OXCT1: variants seen among roughly 807,000 people sequenced by gnomAD.
OXCT1 encodes succinyl-CoA:3-ketoacid coenzyme A transferase 1, mitochondrial.
A neutral mutation model predicts 69.6 loss-of-function variants in OXCT1; 27 were observed. The ratio of observed to expected loss-of-function variants is 0.39; its 90% CI spans 0.29 to 0.54. OXCT1 has a LOEUF of 0.54. Among genes scored for constraint, OXCT1 ranks in the 20% least tolerant of loss-of-function variants. The pLI is 0.72. For missense variants in OXCT1, 437 were observed against 650.2 expected, an observed-to-expected ratio of 0.67 and a Z score of 3.57; for synonymous variants, 202 against 217.8, an observed-to-expected ratio of 0.93 and a Z score of 0.64.
chr5:41,861,372 T>C lies in OXCT1; in HGVS notation c.220A>G (p.Ile74Val). 3 of 1,612,486 alleles carry C rather than the reference T, an allele frequency of 1.9e-6. No homozygotes were observed. The highest frequency in any genetic ancestry group is 2.5e-6 in the Non-Finnish European group (3 of 1,178,728). Residue 74 changes from isoleucine to valine, a missense_variant, in exon 3 of 17, where the codon ATA becomes GTA. Around this residue, in one of 4 missense-constraint regions of OXCT1, gnomAD observed 252 missense variants for 397.4 expected, o/e 0.63. Transcript: ENST00000196371. ...ACTCCAGTTTTCAGTAAAGCATCTA[T>C]AAGATTCTCTGGAATTCCACATAGC... The part of the protein sequence containing the change: ...FGLCGIPENL[I>V]DALLKTGVKG...
chr5:41,737,965 G>A (rs778528487), intron 16 of OXCT1, among the ~76,000 whole-genome samples: 10 of 152,108 alleles, frequency 6.6e-5, no homozygotes, highest in Non-Finnish European at 1.0e-4. Context: ...TGAGGCAGGA[G>A]AATGGTGTGA....
At chr5:41,765,114 A>C (rs1007785427) in intron 13 of OXCT1, among the ~76,000 whole-genome samples, 22 of 152,300 alleles carry the variant, frequency 1.4e-4, no homozygotes, top group African/African-American at 5.3e-4. Context: ...ATACTCCCTG[A>C]CATAAGCGGG....
chr5:41,849,979 C>T (rs1329869736), intron 5 of OXCT1, 51 bp downstream of exon 5: 5 of 1,595,508 alleles, frequency 3.1e-6, no homozygotes, highest in Non-Finnish European at 4.3e-6. Flanking sequence ...CACCCAAAAT[C>T]CCACGTGGAA....
chr5:41,736,870 C>T (rs1344064889), intron 16 of OXCT1, among the ~76,000 whole-genome samples: 2 of 152,178 alleles, frequency 1.3e-5, no homozygotes, highest in Non-Finnish European at 2.9e-5. Context: ...TGTATAGTCA[C>T]ATATGGAGTA....
chr5:41,847,630 A>G (rs1406283082), intron 5 of OXCT1, among the ~76,000 whole-genome samples: 4 of 151,754 alleles, frequency 2.6e-5, no homozygotes, highest in Non-Finnish European at 5.9e-5. Flanking sequence ...TTCAATATAC[A>G]CAAATCAATA....
At chr5:41,847,656 A>C (rs1748986296) in intron 5 of OXCT1, among the ~76,000 whole-genome samples, 1 of 152,184 alleles carries the variant, frequency 6.6e-6, no homozygotes, top group Admixed American at 6.5e-5. Context: ...AATCCAGCAT[A>C]TAAACAGAAC....
intron 1 of OXCT1, among the ~76,000 whole-genome samples, chr5:41,868,715 T>A (rs1375737850): frequency 1.4e-5 from 2 of 147,532 alleles, no homozygotes; most frequent in Non-Finnish European, 3.0e-5. Flanking sequence ...AGAGCGAGAC[T>A]CCGTCTCAAA....
chr5:41,841,779 T>G (rs1449812638), intron 6 of OXCT1, among the ~76,000 whole-genome samples: 3 of 152,198 alleles, frequency 2.0e-5, no homozygotes, highest in Non-Finnish European at 4.4e-5. Flanking sequence ...ATTACTCCTG[T>G]TATTGCCAAA....
At position 41,767,720 on chromosome 5, in the gene OXCT1, G is replaced by GTATA. The variant is rs751695010; in HGVS notation, c.1249-5521_1249-5520insTATA. Among the ~76,000 whole-genome samples, 130 of 78,322 alleles carry GTATA rather than the reference G, an allele frequency of 1.7e-3. 1 individual carries two copies. Among genetic ancestry groups the GTATA allele is most frequent in the African/African-American group, 7.4e-3 (124 of 16,688 alleles). 51.4% of individuals were successfully genotyped at this position (78,322 alleles called of 152,430 possible). ...TATCTAGTATCTAATATATATGTGT[G>GTATA]TGTATATATATATATATATATATAT... On this transcript the variant is annotated intron_variant, in intron 13 of 16. Coordinates refer to ENST00000196371, the MANE Select transcript of OXCT1 (RefSeq NM_000436.4).
chr5:41,815,804 A>C (rs1474647167), intron 7 of OXCT1, among the ~76,000 whole-genome samples: 4 of 152,210 alleles, frequency 2.6e-5, no homozygotes, highest in Non-Finnish European at 5.9e-5. Flanking sequence ...TTCAGTGAAG[A>C]GAGTCATAGA....
At chr5:41,816,354 T>A (rs1747244334) in intron 7 of OXCT1, among the ~76,000 whole-genome samples, 1 of 152,208 alleles carries the variant, frequency 6.6e-6, no homozygotes, top group Non-Finnish European at 1.5e-5. Context: ...CAAAACTAGA[T>A]CTTTAAGTCC....
chr5:41,737,449 A>G (rs1327362511), intron 16 of OXCT1, among the ~76,000 whole-genome samples: 2 of 152,206 alleles, frequency 1.3e-5, no homozygotes, highest in Non-Finnish European at 2.9e-5. Context: ...GCTGCAAAAA[A>G]AAACTGAACA....
rs1747537999 is a variant in OXCT1, at chr5:41,821,336, G to T, written c.733-13898C>A. ...TCTTAGATGTTTAGGAAAAATATGAGAAATGAAATATAAAATTCAACAATG... is the reference window on the plus strand; with the variant it reads ...TCTTAGATGTTTAGGAAAAATATGATAAATGAAATATAAAATTCAACAATG... On this transcript the variant is annotated intron_variant, in intron 7 of 16. Transcript: ENST00000196371. Among the ~76,000 whole-genome samples the T allele has an allele frequency of 5.9e-5, 9 of 152,260 alleles. 2 individuals carry two copies. The South Asian group carries it at 1.9e-3, about 32-fold the overall frequency.
At chr5:41,814,310 C>T (rs79380119) in intron 7 of OXCT1, among the ~76,000 whole-genome samples, 2,090 of 152,204 alleles carry the variant, frequency 0.014, 68 homozygotes, top group African/African-American at 0.048. Context: ...CATAAAATAC[C>T]TGGCCTAATA....
In OXCT1 at chr5:41,870,309, G is replaced by T; in HGVS notation, c.50C>A (p.Ala17Asp). ...GTACCAGGTTGCCCCAGATCCGCGG[G>T]CAGAGGCGCAGAGCCGAAGCCCGGA... is the stretch of plus-strand genomic sequence containing the variant. ...LSSGLRLCAS[A>D]RGSGATWYKG... The change falls in exon 1 of 17, where the codon GCC (alanine) becomes GAC (aspartate). Residue 17 changes from alanine to aspartate, a missense_variant. Transcript: ENST00000196371. This position sits in a 1 kb window ranked among gnomAD's most constrained non-coding sequence, Gnocchi z 4.2. The T allele has an allele frequency of 6.2e-7, 1 of 1,613,992 alleles. No homozygotes were observed. The highest frequency in any genetic ancestry group is 8.5e-7 in the Non-Finnish European group (1 of 1,179,874).
At position 41,785,680 on chromosome 5, in the gene OXCT1, G is replaced by A. The variant is rs534104430; in HGVS notation, c.1248+8323C>T. ...AGAGCTAGGGGATACCAGCATGTAG[G>A]ATAGATGCTCAGAAGTAGAATTTAC... On this transcript the variant is annotated intron_variant, in intron 13 of 16. Coordinates refer to ENST00000196371, the MANE Select transcript of OXCT1 (RefSeq NM_000436.4). Among the ~76,000 whole-genome samples the A allele has an allele frequency of 1.7e-3, 263 of 152,302 alleles. 1 individual carries two copies. The highest frequency in any genetic ancestry group is 3.4e-3 in the Middle Eastern group (1 of 294).
chr5:41,868,677 C>T (rs941846737), intron 1 of OXCT1, among the ~76,000 whole-genome samples: 2 of 151,310 alleles, frequency 1.3e-5, no homozygotes, highest in African/African-American at 2.4e-5. Flanking sequence ...GAGCCGAGAT[C>T]CCGCCACTGC....
intron 13 of OXCT1, among the ~76,000 whole-genome samples, chr5:41,790,264 C>A (rs931049240): frequency 1.4e-4 from 21 of 152,156 alleles, no homozygotes; most frequent in African/African-American, 4.8e-4. Flanking sequence ...ATAATCAATG[C>A]CAGCTGTTCT....
intron 14 of OXCT1, among the ~76,000 whole-genome samples, chr5:41,761,642 A>C (rs1043552684): frequency 1.3e-5 from 2 of 152,104 alleles, no homozygotes; most frequent in Admixed American, 6.6e-5. Flanking sequence ...ATTTTGTAAC[A>C]TCTTCTGGAT....
Sources: allele counts gnomAD v4.1 joint callset (sites outside exome capture counted in the v4.1 genomes callset), GRCh38; gene constraint gnomAD v4.1.1; regional missense constraint gnomAD v4.1.1; non-coding constraint Gnocchi (gnomAD v3.1); transcripts MANE v1.5; gene names NCBI Gene and HGNC (gene_info 2026-07-23, HGNC 2026-07-21).